The following NFATC2 variants were observed in gnomAD, a reference collection of about 807,000 sequenced individuals.
The protein encoded by NFATC2 is nuclear factor of activated T cells 2, also known as nuclear factor of activated T-cells, cytoplasmic 2.
In NFATC2, 22 loss-of-function variants were observed where a neutral mutation model predicts 87.3. That is an observed-to-expected ratio of 0.25 (90% CI 0.18 to 0.36). NFATC2 has a LOEUF of 0.36. Ranked by LOEUF, NFATC2 falls within the 10% of genes least tolerant of loss-of-function variation. The pLI, the probability that NFATC2 is intolerant of heterozygous loss-of-function variation, is 1.00. For synonymous variants in NFATC2, 565 were observed against 542.2 expected (o/e 1.04, Z -0.58); for missense variants, 1,149 against 1,259.1 (o/e 0.91, Z 1.32).
intron 9 of NFATC2, among the ~76,000 whole-genome samples, chr20:51,428,987 A>C (rs567589008): frequency 1.6e-4 from 25 of 152,326 alleles, no homozygotes; most frequent in African/African-American, 5.8e-4. Context: ...AAAAGGACCT[A>C]AAGACCAAGG....
At position 51,432,740 on chromosome 20, in the gene NFATC2, C is replaced by T. The variant is rs371367424; in HGVS notation, c.2049G>A (p.Thr683=). Residue 683 remains threonine, a synonymous_variant, in exon 9 of 11, where the codon ACG becomes ACA. Transcript: ENST00000371564. The surrounding 1 kb of genome is among the most constrained non-coding windows in gnomAD (Gnocchi z 4.6). The part of the protein sequence containing the change: ...FTYHPVPAIK[T]EPTDEYDPTL... Reference sequence around the variant, plus strand: ...TGGGGTCATATTCATCCGTGGGCTCCGTCTTGATGGCTGGGACTGGGAGGA... The same window carrying T: ...TGGGGTCATATTCATCCGTGGGCTCTGTCTTGATGGCTGGGACTGGGAGGA... 51 of 1,580,478 alleles carry T rather than the reference C, an allele frequency of 3.2e-5. No homozygotes were observed. The South Asian group carries it at 3.9e-4, about 12-fold the overall frequency.
chr20:51,561,344 A>AAAGAGAGAGAAAG (rs2077020447), intron 1 of NFATC2, among the ~76,000 whole-genome samples: 1 of 145,982 alleles, frequency 6.9e-6, no homozygotes, highest in African/African-American at 2.7e-5. Context: ...AAAAAGAAAG[A>AAAGAGAGAGAAAG]AAGAGAGAGA....
intron 3 of NFATC2, among the ~76,000 whole-genome samples, chr20:51,502,188 G>A (rs2076099266): frequency 6.6e-6 from 1 of 152,184 alleles, no homozygotes; most frequent in Non-Finnish European, 1.5e-5. Context: ...CTGGTATGTG[G>A]TAGAAGCCCA....
intron 6 of NFATC2, among the ~76,000 whole-genome samples, chr20:51,445,577 G>A (rs1984954764): frequency 1.3e-5 from 2 of 152,182 alleles, no homozygotes; most frequent in Admixed American, 6.5e-5. Context: ...TTCACTGTTT[G>A]GGATTCAAAT....
At chr20:51,398,301 C>T (rs1052580750) in intron 10 of NFATC2, among the ~76,000 whole-genome samples, 3 of 152,024 alleles carry the variant, frequency 2.0e-5, no homozygotes, top group Non-Finnish European at 4.4e-5. Flanking sequence ...GATGGAGAGC[C>T]TCATTTAACT....
chr20:51,510,587 TG>T (rs2076257449), intron 3 of NFATC2, among the ~76,000 whole-genome samples: 1 of 152,248 alleles, frequency 6.6e-6, no homozygotes, highest in Admixed American at 6.5e-5. Flanking sequence ...ACCCTAGACT[TG>T]TTCTACTTCA....
chr20:51,439,159 G>A (rs1441365479), intron 6 of NFATC2, among the ~76,000 whole-genome samples: 1 of 152,202 alleles, frequency 6.6e-6, no homozygotes, highest in African/African-American at 2.4e-5. Context: ...TGCACAACCT[G>A]GCTCCTACCC....
rs1447174447 is a variant in NFATC2 at position 51,524,558 on chromosome 20, G to A, written c.131-448C>T. ...ACCCATTAGACGGATCCCCTAACCC[G>A]TCTGCGCGGTAGGTCATGACCCCTA... On this transcript the variant is annotated intron_variant, in intron 1 of 10. Coordinates refer to ENST00000371564, the MANE Select transcript of NFATC2 (RefSeq NM_012340.5). This position sits in a 1 kb window ranked among gnomAD's most constrained non-coding sequence, Gnocchi z 4.0. 1.3e-5 allele frequency among the ~76,000 whole-genome samples: 2 copies of A among 151,970 alleles called. No individual in the cohort carries two copies. The highest frequency in any genetic ancestry group is 4.8e-5 in the African/African-American group (2 of 41,360).
chr20:51,410,606 G>A (rs1038147853), intron 9 of NFATC2, among the ~76,000 whole-genome samples: 12 of 151,992 alleles, frequency 7.9e-5, no homozygotes, highest in African/African-American at 2.4e-4. Context: ...TAATGAAGGA[G>A]GGAGGAAGAG....
intron 9 of NFATC2, among the ~76,000 whole-genome samples, chr20:51,425,880 G>A (rs1600706002): frequency 6.6e-6 from 1 of 152,114 alleles, no homozygotes; most frequent in Non-Finnish European, 1.5e-5. Flanking sequence ...GCAAAACCTG[G>A]GCCACTGGTC....
rs779517986 is a variant in NFATC2, at chr20:51,421,872, A to G, written c.2722+10195T>C. ...AAGTGCTGAAGCAGACCACAACTCAATCCAGTTGGGGAGAGGGTGCTTTCA... is the reference window on the plus strand; with the variant it reads ...AAGTGCTGAAGCAGACCACAACTCAGTCCAGTTGGGGAGAGGGTGCTTTCA... On this transcript the variant is annotated intron_variant, in intron 9 of 10. Coordinates refer to ENST00000371564, the MANE Select transcript of NFATC2 (RefSeq NM_012340.5). Among the ~76,000 whole-genome samples, 7 of 138,444 alleles carry G rather than the reference A, an allele frequency of 5.1e-5. No homozygotes were observed. The South Asian group carries it at 1.3e-3, about 26-fold the overall frequency. The allele number at this position is 138,444 out of a possible 152,430, so 90.8% of individuals were successfully genotyped here. A position where few individuals can be genotyped will look rare whatever the true frequency, so the allele number is the denominator to read the frequency against.
chr20:51,399,653 TGC>T (rs1987775022), intron 9 of NFATC2, among the ~76,000 whole-genome samples: 1 of 152,204 alleles, frequency 6.6e-6, no homozygotes, highest in African/African-American at 2.4e-5. Context: ...GGTTGGCTAC[TGC>T]TGCCCTGGGG....
Position 51,524,711 on chromosome 20 carries a change from CCAAGTA to C in NFATC2, c.131-607_131-602del, listed in dbSNP as rs1476101749. Among the ~76,000 whole-genome samples the C allele has an allele frequency of 2.6e-5, 4 of 152,156 alleles. No homozygotes were observed. The highest frequency in any genetic ancestry group is 5.9e-5 in the Non-Finnish European group (4 of 68,028). Reference sequence around the variant, plus strand: ...CTGGGCTTCAATCCCAGATTTCACACCAAGTACAAGAAGTGGCTTCATTCAGATCCA... The same window carrying C: ...CTGGGCTTCAATCCCAGATTTCACACCAAGAAGTGGCTTCATTCAGATCCA... On this transcript the variant is annotated intron_variant, in intron 1 of 10. Coordinates refer to ENST00000371564, the MANE Select transcript of NFATC2 (RefSeq NM_012340.5). The surrounding 1 kb of genome is among the most constrained non-coding windows in gnomAD (Gnocchi z 4.0).
At chr20:51,531,776 C>A (rs778421930) in intron 1 of NFATC2, among the ~76,000 whole-genome samples, 9 of 152,334 alleles carry the variant, frequency 5.9e-5, no homozygotes, top group Middle Eastern at 6.8e-3. Context: ...AAAGAACAAT[C>A]TTTTCGGTGA....
At chr20:51,530,952 T>C (rs898188551) in intron 1 of NFATC2, among the ~76,000 whole-genome samples, 4 of 152,162 alleles carry the variant, frequency 2.6e-5, no homozygotes, top group African/African-American at 9.7e-5. Context: ...GAGTCTTACA[T>C]CAATAATTAT....
chr20:51,539,491 T>G (rs2076771376), intron 1 of NFATC2, among the ~76,000 whole-genome samples: 1 of 151,866 alleles, frequency 6.6e-6, no homozygotes, highest in South Asian at 2.1e-4. Context: ...TTTTGTCTGG[T>G]TTGTTGGTTT....
At chr20:51,440,151 C>T (rs185417911) in intron 6 of NFATC2, among the ~76,000 whole-genome samples, 18 of 147,838 alleles carry the variant, frequency 1.2e-4, no homozygotes, top group African/African-American at 4.3e-4. Context: ...GCAGGAGGAT[C>T]TCTTGAACCC....
chr20:51,534,450 T>A (rs540612775), intron 1 of NFATC2, among the ~76,000 whole-genome samples: 1 of 152,338 alleles, frequency 6.6e-6, no homozygotes, highest in South Asian at 2.1e-4. Context: ...TTCTCCTGCC[T>A]CAGCCTCCCT....
intron 1 of NFATC2, among the ~76,000 whole-genome samples, chr20:51,532,579 G>A (rs1473421694): frequency 6.6e-6 from 1 of 152,154 alleles, no homozygotes; most frequent in Admixed American, 6.5e-5. Flanking sequence ...AGGCCACACA[G>A]TGGTCCCCGC....
Sources: allele counts gnomAD v4.1 joint callset (sites outside exome capture counted in the v4.1 genomes callset), GRCh38; gene constraint gnomAD v4.1.1; non-coding constraint Gnocchi (gnomAD v3.1); transcripts MANE v1.5; gene names NCBI Gene and HGNC (gene_info 2026-07-23, HGNC 2026-07-21).